Variants in IFT140 observed in about 807,000 individuals in gnomAD.
IFT140 encodes intraflagellar transport protein 140 homolog.
Under a neutral mutation model 164.6 loss-of-function variants are expected in IFT140, and 133 were observed. The ratio of observed to expected loss-of-function variants is 0.81; its 90% CI spans 0.70 to 0.93. IFT140 has a LOEUF of 0.93. Among genes scored for constraint, IFT140 ranks in the 40% least tolerant of loss-of-function variants. The pLI is 0.00. For missense variants in IFT140, 2,045 were observed against 1,972.3 expected, an observed-to-expected ratio of 1.04 and a Z score of -0.70; for synonymous variants, 860 against 817.3, an observed-to-expected ratio of 1.05 and a Z score of -0.89.
chr16:1,595,378 G>C (rs2035408565), intron 4 of IFT140, among the ~76,000 whole-genome samples: 1 of 152,204 alleles, frequency 6.6e-6, no homozygotes, highest in Non-Finnish European at 1.5e-5. Context: ...AGTACTTTGG[G>C]AGGCCGAGGC....
rs866369309 is a variant in IFT140, at chr16:1,580,759, C to T, written c.1524G>A (p.Gln508=). Residue 508 remains glutamine (Q), a splice_region_variant and synonymous_variant, in exon 13 of 31, where the codon CAG becomes CAA. Transcript: ENST00000426508. Reference sequence around the variant, plus strand: ...TTCTTGCAGTGGAGCAGCAACTTACCTGCCAGGTTCGAACTTGAACTCGGT... The same window carrying T: ...TTCTTGCAGTGGAGCAGCAACTTACTTGCCAGGTTCGAACTTGAACTCGGT... The part of the protein sequence containing the change: ...ESNRVQVRTW[Q]GTVKQLLLFS... 1.9e-6 allele frequency: 3 copies of T among 1,610,604 alleles called. No individual in the cohort carries two copies. The highest frequency in any genetic ancestry group is 2.2e-5 in the East Asian group (1 of 44,866).
At chr16:1,582,193 A>G (rs1291452355) in intron 12 of IFT140, among the ~76,000 whole-genome samples, 1 of 152,130 alleles carries the variant, frequency 6.6e-6, no homozygotes, top group Non-Finnish European at 1.5e-5. Flanking sequence ...ATGTGTGAAT[A>G]TTACTTTATA....
chr16:1,556,612 T>C (rs540786441), intron 19 of IFT140, among the ~76,000 whole-genome samples: 1 of 152,334 alleles, frequency 6.6e-6, no homozygotes, highest in South Asian at 2.1e-4. Context: ...TGCTAAAGAC[T>C]GGAAAGCATT....
In IFT140 at chr16:1,525,909, C is replaced by A. The variant is rs568921640; in HGVS notation, c.2746G>T (p.Asp916Tyr). 6.4e-7 allele frequency: 1 copy of A among 1,554,774 alleles called. No homozygotes were observed. The highest frequency in any genetic ancestry group is 1.2e-5 in the South Asian group (1 of 84,676). ...RYAGHLEASA[D>Y]CSRALSYYEK... Reference sequence around the variant, plus strand: ...CACTAACTGAGGGCCCGGCTGCAGTCGGCGCTGGCCTCCAGGTGCCCGGCA... The same window carrying A: ...CACTAACTGAGGGCCCGGCTGCAGTAGGCGCTGGCCTCCAGGTGCCCGGCA... Residue 916 changes from aspartate (D) to tyrosine (Y), a missense_variant, in exon 21 of 31, where the codon GAC (aspartate) becomes TAC (tyrosine). By Grantham distance (160) the Asp-to-Tyr change is radical. Coordinates refer to ENST00000426508, the MANE Select transcript of IFT140 (RefSeq NM_014714.4).
At chr16:1,586,626 T>TGC (rs2034896197) in intron 9 of IFT140, among the ~76,000 whole-genome samples, 2 of 132,784 alleles carry the variant, frequency 1.5e-5, no homozygotes, top group Non-Finnish European at 3.2e-5. Context: ...CACACATGCA[T>TGC]GCACACACAC....
Position 1,531,407 on chromosome 16 carries a change from C to G in IFT140, c.2400-4611G>C, listed in dbSNP as rs1157104647. 6.6e-6 allele frequency: 1 copy of G among 152,232 alleles called. No homozygotes were observed. Among genetic ancestry groups the G allele is most frequent in the East Asian group, 1.9e-4 (1 of 5,176 alleles). The allele number at this position is 152,232 out of a possible 1,614,324, so 9.4% of individuals were successfully genotyped here. On this transcript the variant is annotated intron_variant, in intron 19 of 30. Coordinates refer to ENST00000426508, the MANE Select transcript of IFT140 (RefSeq NM_014714.4). This position sits in a 1 kb window ranked among gnomAD's most constrained non-coding sequence, Gnocchi z 4.7. ...TTGACGATCATGCTTGCCGAGGCCG[C>G]CCCCTCCCTCCGTGTCCCTGTTCTG... is the stretch of plus-strand genomic sequence containing the variant.
At chr16:1,513,865 G>A (rs1456404400) in intron 30 of IFT140, among the ~76,000 whole-genome samples, 2 of 143,216 alleles carry the variant, frequency 1.4e-5, no homozygotes, top group African/African-American at 2.7e-5. Flanking sequence ...AGTAGAGACG[G>A]GGTTTCACCG....
Position 1,525,951 on chromosome 16 carries a change from T to A in IFT140, c.2704A>T (p.Ser902Cys), listed in dbSNP as rs1433656005. 3 of 1,579,782 alleles carry A rather than the reference T, an allele frequency of 1.9e-6. No homozygotes were observed. The highest frequency in any genetic ancestry group is 2.6e-6 in the Non-Finnish European group (3 of 1,164,446). The change falls in exon 21 of 31, where the codon AGC (serine) becomes TGC (cysteine). Residue 902 changes from serine to cysteine, a missense_variant. Transcript: ENST00000426508. ...TGCCCGGCATAGCGGTGGTAGGTGC[T>A]GCGCAGGTGCACGCGATCGTGGTGC... Reference protein sequence around the residue: ...AEHHDRVHLRSTYHRYAGHLE... With the variant: ...AEHHDRVHLRCTYHRYAGHLE...
At chr16:1,588,527 AAAT>A (rs56785842) in intron 7 of IFT140, among the ~76,000 whole-genome samples, 4 of 145,418 alleles carry the variant, frequency 2.8e-5, no homozygotes, top group Non-Finnish European at 3.0e-5. Context: ...TCCGTCTCAA[AAAT>A]AATAATAATA....
chr16:1,606,449 C>T (rs969006794), intron 3 of IFT140, among the ~76,000 whole-genome samples: 11 of 152,202 alleles, frequency 7.2e-5, no homozygotes, highest in African/African-American at 1.4e-4. Flanking sequence ...AAACTGATGA[C>T]GGATGTCGTT....
At chr16:1,516,178 A>AAAAAAC (rs2040337804) in intron 30 of IFT140, among the ~76,000 whole-genome samples, 4 of 59,212 alleles carry the variant, frequency 6.8e-5, no homozygotes, top group Middle Eastern at 8.3e-3. Context: ...AAAAAAAAAA[A>AAAAAAC]CACCAGAAAT....
intron 2 of IFT140, among the ~76,000 whole-genome samples, chr16:1,609,650 C>A (rs2036243865): frequency 6.6e-6 from 1 of 152,194 alleles, no homozygotes; most frequent in Non-Finnish European, 1.5e-5. Context: ...GAAACGGGTT[C>A]CAGGCCTGCC....
chr16:1,538,702 C>T (rs1334440572), intron 19 of IFT140, among the ~76,000 whole-genome samples: 1 of 152,210 alleles, frequency 6.6e-6, no homozygotes, highest in Admixed American at 6.5e-5. Context: ...AAAGATGGCA[C>T]AGCACCGTGC....
rs867251985 is a variant in IFT140, at chr16:1,586,257, G to C, written c.1028C>G (p.Thr343Ser). ...CKVKGLLAAG[T>S]DRGRVAMWRK... ...CCACATGGCTACTCGCCCTCTGTCG[G>C]TACCAGCGGCCAGAAGACCTACAGG... is the stretch of plus-strand genomic sequence containing the variant. The change falls in exon 10 of 31, where the codon ACC (threonine) becomes AGC (serine). Residue 343 changes from threonine (T) to serine (S), a missense_variant. Physicochemically the swap from Thr to Ser is moderately conservative, Grantham distance 58. Coordinates refer to ENST00000426508, the MANE Select transcript of IFT140 (RefSeq NM_014714.4). The C allele has an allele frequency of 6.2e-7, 1 of 1,613,278 alleles. No homozygotes were observed. Among genetic ancestry groups the C allele is most frequent in the East Asian group, 2.2e-5 (1 of 44,866 alleles).
At chr16:1,530,098 T>A (rs867920779) in intron 19 of IFT140, among the ~76,000 whole-genome samples, 9 of 151,208 alleles carry the variant, frequency 6.0e-5, no homozygotes, top group Middle Eastern at 3.4e-3. Flanking sequence ...CAGTCTTTTT[T>A]ACTCTCCTGT....
At chr16:1,560,752 G>C (rs1276880532) in intron 18 of IFT140, among the ~76,000 whole-genome samples, 1 of 152,180 alleles carries the variant, frequency 6.6e-6, no homozygotes, top group African/African-American at 2.4e-5. Flanking sequence ...GCTTACTGAA[G>C]AAAATTAGAA....
intron 13 of IFT140, among the ~76,000 whole-genome samples, chr16:1,574,814 C>A (rs945265356): frequency 2.0e-5 from 3 of 152,144 alleles, no homozygotes; most frequent in African/African-American, 7.2e-5. Context: ...CTCCCTGAAA[C>A]ATACGCAGGG....
intron 19 of IFT140, among the ~76,000 whole-genome samples, chr16:1,543,654 G>A (rs1231877723): frequency 6.6e-6 from 1 of 152,212 alleles, no homozygotes; most frequent in Admixed American, 6.5e-5. Context: ...CTGTAAGAAC[G>A]AATGAGACAG....
rs139141440 is a variant in IFT140, at chr16:1,607,198, C to T, written c.69G>A (p.Trp23Ter). 1.2e-6 allele frequency: 2 copies of T among 1,614,086 alleles called. No homozygotes were observed. Among genetic ancestry groups the T allele is most frequent in the Non-Finnish European group, 1.7e-6 (2 of 1,179,988 alleles). The change falls in exon 3 of 31, where the codon TGG becomes TGA. Residue 23 changes from tryptophan to a stop codon, truncating the protein, a stop_gained. Coordinates refer to ENST00000426508, the MANE Select transcript of IFT140 (RefSeq NM_014714.4). LOFTEE classifies it high-confidence loss of function. Reference sequence around the variant, plus strand: ...CTGCCAAGAATGGATGGACAGGGTGCCAGCTGATAAATGAGGGTGACCCTG... The same window carrying T: ...CTGCCAAGAATGGATGGACAGGGTGTCAGCTGATAAATGAGGGTGACCCTG... ...DAAGSPSFIS[W>*]HPVHPFLAVA...
Sources: allele counts gnomAD v4.1 joint callset (sites outside exome capture counted in the v4.1 genomes callset), GRCh38; gene constraint gnomAD v4.1.1; non-coding constraint Gnocchi (gnomAD v3.1); transcripts MANE v1.5; gene names NCBI Gene and HGNC (gene_info 2026-07-23, HGNC 2026-07-21).